PTPRT: variants seen among roughly 807,000 people sequenced by gnomAD.
PTPRT encodes protein tyrosine phosphatase receptor type T.
In PTPRT, 56 loss-of-function variants were observed where a neutral mutation model predicts 176.8. That is an observed-to-expected ratio of 0.32 (90% CI 0.26 to 0.40). PTPRT has a LOEUF of 0.40. Among genes scored for constraint, PTPRT ranks in the 10% least tolerant of loss-of-function variants. The pLI, the probability that PTPRT is intolerant of heterozygous loss-of-function variation, is 1.00. For missense variants in PTPRT, 1,540 were observed against 1,908.2 expected (o/e 0.81, Z 3.60); for synonymous variants, 783 against 739.0 (o/e 1.06, Z -0.96).
chr20:42,916,801 T>G (rs1978791473), intron 1 of PTPRT, among the ~76,000 whole-genome samples: 1 of 152,210 alleles, frequency 6.6e-6, no homozygotes, highest in African/African-American at 2.4e-5. Context: ...TGCCCACTTC[T>G]TGATGGGGTT....
chr20:42,072,303 A>C (rs1026606745), downstream of PTPRT, among the ~76,000 whole-genome samples: 2 of 152,244 alleles, frequency 1.3e-5, no homozygotes, highest in African/African-American at 4.8e-5. Context: ...AGCTGAGCTC[A>C]GCTTAGATCA....
At chr20:42,566,680 G>A (rs1441220237) in intron 7 of PTPRT, among the ~76,000 whole-genome samples, 1 of 152,154 alleles carries the variant, frequency 6.6e-6, no homozygotes, top group East Asian at 1.9e-4. Flanking sequence ...GTCCACCTAG[G>A]TGACCGAGTG....
At chr20:42,697,304 T>C (rs998108548) in intron 6 of PTPRT, among the ~76,000 whole-genome samples, 2 of 152,222 alleles carry the variant, frequency 1.3e-5, no homozygotes, top group African/African-American at 4.8e-5. Context: ...AAGGACACTG[T>C]CAAAGGAGGC....
chr20:43,116,863 T>C (rs946286574), intron 1 of PTPRT, among the ~76,000 whole-genome samples: 1 of 152,172 alleles, frequency 6.6e-6, no homozygotes, highest in Admixed American at 6.5e-5. Context: ...ATGGCTGTAT[T>C]AGATAGCTCT....
At chr20:42,859,441 G>C (rs1381739723) in intron 2 of PTPRT, among the ~76,000 whole-genome samples, 2 of 152,146 alleles carry the variant, frequency 1.3e-5, no homozygotes, top group Non-Finnish European at 2.9e-5. Context: ...CTGGTTGCCA[G>C]AGGTCTCACC....
intron 1 of PTPRT, among the ~76,000 whole-genome samples, chr20:42,972,328 TG>T (rs1982693192): frequency 6.6e-6 from 1 of 150,508 alleles, no homozygotes; most frequent in South Asian, 2.1e-4. Flanking sequence ...GCCAGACAGG[TG>T]GGAAGGAGCC....
intron 7 of PTPRT, among the ~76,000 whole-genome samples, chr20:42,534,593 G>C (rs557811900): frequency 2.6e-5 from 4 of 152,156 alleles, no homozygotes; most frequent in Non-Finnish European, 5.9e-5. Context: ...CCGAGATCAC[G>C]CCACTGCACT....
At chr20:42,502,335 C>T (rs2071764540) in intron 7 of PTPRT, among the ~76,000 whole-genome samples, 1 of 151,524 alleles carries the variant, frequency 6.6e-6, no homozygotes, top group Non-Finnish European at 1.5e-5. Context: ...GTGCCCCTCC[C>T]TACAGTATCC....
At chr20:42,590,180 A>G (rs1022630750) in intron 7 of PTPRT, among the ~76,000 whole-genome samples, 3 of 152,142 alleles carry the variant, frequency 2.0e-5, no homozygotes, top group Non-Finnish European at 4.4e-5. Flanking sequence ...GCCCCAGTTG[A>G]GGCCCCCAGG....
intron 1 of PTPRT, among the ~76,000 whole-genome samples, chr20:43,028,710 C>G (rs1986019106): frequency 6.6e-6 from 1 of 152,182 alleles, no homozygotes; most frequent in Non-Finnish European, 1.5e-5. Flanking sequence ...AGGCAAGGTA[C>G]AGATCCCTAG....
chr20:43,102,575 C>T (rs994795401), intron 1 of PTPRT, among the ~76,000 whole-genome samples: 2 of 152,210 alleles, frequency 1.3e-5, no homozygotes, highest in Non-Finnish European at 2.9e-5. Flanking sequence ...CTGCAGAAAG[C>T]TCCTGCCACC....
At chr20:42,942,760 G>A (rs6130263) in intron 1 of PTPRT, among the ~76,000 whole-genome samples, 91,234 of 151,968 alleles carry the variant, frequency 0.6, 28,577 homozygotes, top group East Asian at 0.77. Flanking sequence ...TTTTATCCTC[G>A]AAATAGGGAT....
chr20:42,316,478 C>G lies in PTPRT; in HGVS notation c.1866-482G>C, dbSNP rs531451226. Among the ~76,000 whole-genome samples the G allele has an allele frequency of 3.9e-5, 6 of 152,326 alleles. No homozygotes were observed. In the South Asian group the frequency reaches 1.2e-3, roughly 32 times the overall value. On this transcript the variant is annotated intron_variant, in intron 11 of 30. Transcript: ENST00000373187. ...CTTGGTTGGACACTTTCCCACTTACCCAGATTCAACTAGTCTCTTTGCCTC... is the reference window on the plus strand; with the variant it reads ...CTTGGTTGGACACTTTCCCACTTACGCAGATTCAACTAGTCTCTTTGCCTC...
chr20:42,656,824 A>G (rs2075133096), intron 7 of PTPRT, among the ~76,000 whole-genome samples: 1 of 152,098 alleles, frequency 6.6e-6, no homozygotes, highest in Non-Finnish European at 1.5e-5. Flanking sequence ...AATCAAAACA[A>G]TGCCTCCACT....
At chr20:43,186,351 C>T (rs1418925049) in intron 1 of PTPRT, among the ~76,000 whole-genome samples, 6 of 152,094 alleles carry the variant, frequency 3.9e-5, no homozygotes, top group Admixed American at 3.3e-4. Context: ...CCCACCCTCG[C>T]CCCCCCATTA....
chr20:42,065,833 A>G, the PTPRT span, among the ~76,000 whole-genome samples: 1 of 152,190 alleles, frequency 6.6e-6, no homozygotes, highest in Non-Finnish European at 1.5e-5. Context: ...ACCACTAATT[A>G]TTTTAACTTC....
intron 26 of PTPRT, 123 bp from the exon 27 acceptor site, chr20:42,098,675 G>C (rs1325341632): frequency 2.3e-6 from 3 of 1,296,588 alleles, no homozygotes; most frequent in Non-Finnish European, 3.1e-6. Context: ...CAAAACACCT[G>C]CCTGTTCTTT....
At chr20:42,998,078 AGT>A (rs1984328238) in intron 1 of PTPRT, among the ~76,000 whole-genome samples, 2 of 152,304 alleles carry the variant, frequency 1.3e-5, no homozygotes, top group South Asian at 4.2e-4. Context: ...AAGTACCAAG[AGT>A]GTGAGATCGT....
the PTPRT span, among the ~76,000 whole-genome samples, chr20:42,066,956 G>A: frequency 2.0e-5 from 3 of 152,106 alleles, no homozygotes; most frequent in Admixed American, 6.5e-5. Flanking sequence ...ATTGTAAAAT[G>A]TCTTTCTTTT....
Sources: gnomAD v4.1 joint callset for allele counts (sites outside exome capture counted in the v4.1 genomes callset) on GRCh38, gnomAD v4.1.1 for gene constraint, MANE v1.5 for transcripts, NCBI Gene and HGNC (gene_info 2026-07-23, HGNC 2026-07-21) for gene names.